Variants in MYT1L observed in about 807,000 individuals in gnomAD.
MYT1L encodes myelin transcription factor 1-like protein.
Under a neutral mutation model 126.7 loss-of-function variants are expected in MYT1L, and 12 were observed. That is an observed-to-expected ratio of 0.09 (90% CI 0.06 to 0.15). The LOEUF is 0.15. Ranked by LOEUF, MYT1L falls within the 10% of genes least tolerant of loss-of-function variation. The probability of loss-of-function intolerance (pLI) is 1.00; values close to 1 mark genes in which losing one functional copy is unlikely to be tolerated. For synonymous variants in MYT1L, 541 were observed against 604.2 expected (o/e 0.90, Z 1.53); for missense variants, 979 against 1,585.2 (o/e 0.62, Z 6.49).
intron 4 of MYT1L, among the ~76,000 whole-genome samples, chr2:2,046,274 T>C (rs1221178371): frequency 6.6e-6 from 1 of 152,178 alleles, no homozygotes; most frequent in Admixed American, 6.5e-5. Context: ...ATCATAACAT[T>C]ACATGCATGG....
intron 4 of MYT1L, among the ~76,000 whole-genome samples, chr2:2,007,063 A>C (rs2063404297): frequency 6.6e-6 from 1 of 150,758 alleles, no homozygotes; most frequent in Non-Finnish European, 1.5e-5. Flanking sequence ...ATATATATAT[A>C]TCCCCCACAT....
At chr2:1,956,209 CTAT>C (rs2058347364) in intron 8 of MYT1L, among the ~76,000 whole-genome samples, 1 of 147,438 alleles carries the variant, frequency 6.8e-6, no homozygotes, top group Non-Finnish European at 1.5e-5. Flanking sequence ...ATCTATCTAT[CTAT>C]CTATCTATCT....
At chr2:1,792,224 C>A in intron 24 of MYT1L, 97 bp downstream of exon 24, 1 of 1,433,496 alleles carries the variant, frequency 7.0e-7, no homozygotes, top group South Asian at 1.4e-5. Flanking sequence ...TTGCCAAAGG[C>A]TGAAGAACCA....
intron 3 of MYT1L, among the ~76,000 whole-genome samples, chr2:2,069,231 C>T (rs994193978): frequency 6.6e-6 from 1 of 152,140 alleles, no homozygotes; most frequent in South Asian, 2.1e-4. Flanking sequence ...TAGCCCCCGA[C>T]ACCCTGACAG....
At chr2:1,976,870 C>T (rs2060226461) in intron 8 of MYT1L, among the ~76,000 whole-genome samples, 1 of 152,124 alleles carries the variant, frequency 6.6e-6, no homozygotes, top group Non-Finnish European at 1.5e-5. Context: ...CATTTTTGCA[C>T]CGTTTTACAT....
chr2:1,927,742 A>G (rs1328258256), intron 9 of MYT1L, among the ~76,000 whole-genome samples: 1 of 152,134 alleles, frequency 6.6e-6, no homozygotes, highest in Admixed American at 6.5e-5. Context: ...CTGCAGGTGC[A>G]CTCCAGTGAG....
chr2:2,079,071 C>T (rs2075533395), intron 3 of MYT1L, among the ~76,000 whole-genome samples: 1 of 152,186 alleles, frequency 6.6e-6, no homozygotes. Flanking sequence ...TCACCACACA[C>T]CCAATAATCT....
chr2:2,079,577 G>A (rs957516087), intron 3 of MYT1L, among the ~76,000 whole-genome samples: 1 of 152,206 alleles, frequency 6.6e-6, no homozygotes, highest in Admixed American at 6.5e-5. Context: ...AGGCCAAGGC[G>A]GGTGGATCGT....
At position 2,143,284 on chromosome 2, in the gene MYT1L, C is replaced by T. The variant is rs1316847655; in HGVS notation, c.-304+29588G>A. Among the ~76,000 whole-genome samples, 6 of 142,410 alleles carry T rather than the reference C, an allele frequency of 4.2e-5. No individual in the cohort carries two copies. In the East Asian group the frequency reaches 1.0e-3, roughly 25 times the overall value. 93.4% of individuals were successfully genotyped at this position (142,410 alleles called of 152,430 possible). A position where few individuals can be genotyped will look rare whatever the true frequency, so the allele number is the denominator to read the frequency against. On this transcript the variant is annotated intron_variant, in intron 3 of 24. Coordinates refer to ENST00000647738, the MANE Select transcript of MYT1L (RefSeq NM_001303052.2). ...CAGCCTGGGCGACAGAGCGAGACTC[C>T]GTCTCAAAAAAAAAAAAAAAAAAAA...
chr2:1,982,377 G>T (rs1443696076), intron 5 of MYT1L, among the ~76,000 whole-genome samples: 2 of 152,126 alleles, frequency 1.3e-5, no homozygotes, highest in African/African-American at 4.8e-5. Flanking sequence ...ATTCAAAATT[G>T]AATTAAAACA....
chr2:2,283,590 C>T (rs1203399057), intron 2 of MYT1L, among the ~76,000 whole-genome samples: 2 of 152,032 alleles, frequency 1.3e-5, no homozygotes, highest in African/African-American at 4.8e-5. Flanking sequence ...TCAATTCCAC[C>T]CACTCATAAT....
intron 3 of MYT1L, among the ~76,000 whole-genome samples, chr2:2,104,541 G>A (rs1559022661): frequency 6.6e-6 from 1 of 152,222 alleles, no homozygotes; most frequent in Non-Finnish European, 1.5e-5. Flanking sequence ...CAAGGCGGTG[G>A]CTACCTGGCA....
chr2:1,797,286 C>T (rs886154965), intron 23 of MYT1L, among the ~76,000 whole-genome samples: 3 of 152,180 alleles, frequency 2.0e-5, no homozygotes, highest in East Asian at 1.9e-4. Context: ...GCCCATGGCG[C>T]GATCTTGGCT....
intron 3 of MYT1L, among the ~76,000 whole-genome samples, chr2:2,071,343 G>A (rs2074573938): frequency 6.6e-6 from 1 of 152,174 alleles, no homozygotes; most frequent in Admixed American, 6.5e-5. Context: ...AATTTGGTCA[G>A]ATATCCACCA....
chr2:2,102,412 A>G (rs566894264), intron 3 of MYT1L, among the ~76,000 whole-genome samples: 50 of 152,336 alleles, frequency 3.3e-4, no homozygotes, highest in African/African-American at 1.1e-3. Flanking sequence ...GTAGGGATCT[A>G]CTAGGGAAAG....
intron 2 of MYT1L, among the ~76,000 whole-genome samples, chr2:2,239,009 C>T (rs2094385251): frequency 6.6e-6 from 1 of 152,244 alleles, no homozygotes; most frequent in Non-Finnish European, 1.5e-5. Flanking sequence ...CTGGGGGACC[C>T]TGACCCAGCC....
At chr2:2,221,660 C>A (rs528075833) in intron 2 of MYT1L, among the ~76,000 whole-genome samples, 2 of 152,160 alleles carry the variant, frequency 1.3e-5, no homozygotes, top group Non-Finnish European at 2.9e-5. Context: ...TCCATTACCC[C>A]GTGGCAGGAA....
At chr2:2,075,962 A>T (rs182672722) in intron 3 of MYT1L, among the ~76,000 whole-genome samples, 9 of 152,368 alleles carry the variant, frequency 5.9e-5, no homozygotes, top group Admixed American at 4.6e-4. Context: ...GAGTTCCATT[A>T]AAAGCACTGT....
In MYT1L at chr2:1,838,037, G is replaced by A. The variant is rs192229155; in HGVS notation, c.3080+1112C>T. On this transcript the variant is annotated intron_variant, in intron 21 of 24. Transcript: ENST00000647738. ...AGTGATTATCCTGCCTCAGCCTCCC[G>A]AGTAGCTGGGATTACAGGCGCGTGC... Among the ~76,000 whole-genome samples, 670 of 152,006 alleles carry A rather than the reference G, an allele frequency of 4.4e-3. 3 individuals carry two copies. Among genetic ancestry groups the A allele is most frequent in the African/African-American group, 0.015 (621 of 41,422 alleles).
Sources: allele counts gnomAD v4.1 joint callset (sites outside exome capture counted in the v4.1 genomes callset), GRCh38; gene constraint gnomAD v4.1.1; transcripts MANE v1.5; gene names NCBI Gene and HGNC (gene_info 2026-07-23, HGNC 2026-07-21).